Variants in XPO7 observed in about 807,000 individuals in gnomAD.
XPO7 encodes exportin-7.
A neutral mutation model predicts 144.3 loss-of-function variants in XPO7; 21 were observed. The ratio of observed to expected loss-of-function variants is 0.15; its 90% CI spans 0.10 to 0.21. The LOEUF (loss-of-function observed/expected upper bound fraction) is 0.21. Ranked by LOEUF, XPO7 falls within the 10% of genes least tolerant of loss-of-function variation. The pLI is 1.00. For synonymous variants in XPO7, 580 were observed against 499.6 expected (o/e 1.16, Z -2.15); for missense variants, 808 against 1,325.8 (o/e 0.61, Z 6.06).
intron 13 of XPO7, among the ~76,000 whole-genome samples, chr8:21,986,165 T>G (rs1479263674): frequency 6.8e-6 from 1 of 146,046 alleles, no homozygotes; most frequent in East Asian, 2.0e-4. Flanking sequence ...GGAGATGGAG[T>G]CTCGCTCTGT....
intron 1 of XPO7, among the ~76,000 whole-genome samples, chr8:21,934,843 A>G (rs1810771216): frequency 1.3e-5 from 2 of 152,238 alleles, no homozygotes; most frequent in Admixed American, 1.3e-4. Flanking sequence ...AGGAAAAAGC[A>G]TGGAGTGAAG....
intron 1 of XPO7, among the ~76,000 whole-genome samples, chr8:21,959,610 C>G (rs1489427941): frequency 1.3e-5 from 2 of 151,918 alleles, no homozygotes; most frequent in Non-Finnish European, 2.9e-5. Flanking sequence ...GTGAGTGTTA[C>G]CAATTTATTT....
intron 1 of XPO7, among the ~76,000 whole-genome samples, chr8:21,940,630 G>A (rs183747676): frequency 3.4e-4 from 51 of 151,872 alleles, no homozygotes; most frequent in African/African-American, 1.0e-3. Context: ...CACCACACCC[G>A]CCTAATTTTT....
At position 21,980,175 on chromosome 8, in the gene XPO7, G is replaced by A; in HGVS notation, c.929G>A (p.Gly310Asp). Reference protein sequence around the residue: ...RAKFLSHLVDGVKRILENPQS... With the variant: ...RAKFLSHLVDDVKRILENPQS... The stretch of plus-strand genomic sequence containing the variant: ...AAGTTTCTCTCTCATCTTGTTGATG[G>A]TGTTAAACGAATACTGGAAAACCCA... Residue 310 changes from glycine to aspartate, a missense_variant, in exon 9 of 28, where the codon GGT becomes GAT. Around this residue, in one of 5 missense-constraint regions of XPO7, gnomAD observed 223 missense variants for 368.8 expected, o/e 0.60. Transcript: ENST00000252512. The A allele has an allele frequency of 6.2e-7, 1 of 1,600,316 alleles. No individual in the cohort carries two copies. The highest frequency in any genetic ancestry group is 1.1e-5 in the South Asian group (1 of 88,550).
At chr8:21,964,233 C>G (rs1811813554) in intron 1 of XPO7, 1 of 151,944 alleles carries the variant, frequency 6.6e-6, no homozygotes, top group Non-Finnish European at 1.5e-5. Flanking sequence ...TTTCTCTGAC[C>G]AAAGTGGCAT....
intron 1 of XPO7, among the ~76,000 whole-genome samples, chr8:21,957,819 C>T (rs552714052): frequency 1.4e-4 from 22 of 152,278 alleles, no homozygotes; most frequent in African/African-American, 5.3e-4. Flanking sequence ...CCATGCCTGG[C>T]CTTGCTTTGC....
At chr8:21,954,387 G>A (rs924893757) in intron 1 of XPO7, among the ~76,000 whole-genome samples, 2 of 152,176 alleles carry the variant, frequency 1.3e-5, no homozygotes, top group Admixed American at 1.3e-4. Context: ...TGTAATCCCA[G>A]CACATTGGGA....
chr8:21,926,124 C>T (rs373640127), intron 1 of XPO7, among the ~76,000 whole-genome samples: 3 of 152,018 alleles, frequency 2.0e-5, no homozygotes, highest in Non-Finnish European at 4.4e-5. Context: ...GGGTTTTAAA[C>T]CTCTCTTAGA....
intron 1 of XPO7, among the ~76,000 whole-genome samples, chr8:21,935,420 C>G (rs907424541): frequency 1.3e-5 from 2 of 152,154 alleles, no homozygotes; most frequent in South Asian, 2.1e-4. Context: ...GACATTTTGC[C>G]TAAAGTCCTA....
chr8:21,987,760 G>A, intron 14 of XPO7, 24 bp from the exon 15 acceptor site: 8 of 1,613,142 alleles, frequency 5.0e-6, no homozygotes, highest in Non-Finnish European at 5.9e-6. Flanking sequence ...ATGTGTTCTG[G>A]TTACTTTCTC....
At chr8:21,925,397 T>A (rs1443177498) in intron 1 of XPO7, among the ~76,000 whole-genome samples, 1 of 152,206 alleles carries the variant, frequency 6.6e-6, no homozygotes, top group East Asian at 1.9e-4. Flanking sequence ...TTAATTGATA[T>A]CATTTAATGC....
At chr8:22,001,570 C>G (rs1271687576) in intron 24 of XPO7, among the ~76,000 whole-genome samples, 2 of 152,172 alleles carry the variant, frequency 1.3e-5, no homozygotes, top group Admixed American at 6.5e-5. Context: ...CATAAACATT[C>G]AGGGGCTACG....
chr8:21,999,626 G>A lies in XPO7; in HGVS notation c.2734G>A (p.Val912Ile), dbSNP rs1187250316. The stretch of plus-strand genomic sequence containing the variant: ...CTTTATTGCAAGCCTGGAACCTCAC[G>A]TCATCATGTATATTCTCTCTTCCAT... ...MNFIASLEPH[V>I]IMYILSSISE... The change falls in exon 24 of 28, where the codon GTC becomes ATC. Residue 912 changes from valine (V) to isoleucine (I), a missense_variant. Val to Ile is a conservative substitution (Grantham distance 29). Around this residue, in one of 5 missense-constraint regions of XPO7, gnomAD observed 140 missense variants for 237.9 expected, o/e 0.59. Coordinates refer to ENST00000252512, the MANE Select transcript of XPO7 (RefSeq NM_015024.5). 2.1e-5 allele frequency: 34 copies of A among 1,613,796 alleles called. No homozygotes were observed. Among genetic ancestry groups the A allele is most frequent in the Non-Finnish European group, 2.5e-5 (29 of 1,179,896 alleles).
chr8:21,960,254 C>G (rs1414532194), intron 1 of XPO7, among the ~76,000 whole-genome samples: 1 of 152,152 alleles, frequency 6.6e-6, no homozygotes, highest in African/African-American at 2.4e-5. Flanking sequence ...AACCACAGTG[C>G]AAGACAAAAA....
chr8:21,972,860 T>C (rs1339336978), intron 5 of XPO7, among the ~76,000 whole-genome samples: 5 of 152,230 alleles, frequency 3.3e-5, no homozygotes, highest in Admixed American at 3.3e-4. Flanking sequence ...TCAAATGTGT[T>C]AGCTTAGAGC....
At chr8:21,970,524 G>A (rs1812022002) in intron 4 of XPO7, among the ~76,000 whole-genome samples, 1 of 152,102 alleles carries the variant, frequency 6.6e-6, no homozygotes. Flanking sequence ...CCATGTCTCA[G>A]TCTTTCAAAT....
intron 25 of XPO7, 31 bp downstream of exon 25, chr8:22,002,303 TG>T (rs1563341011): frequency 1.2e-6 from 2 of 1,604,328 alleles, no homozygotes; most frequent in Non-Finnish European, 8.5e-7. Flanking sequence ...GAGGCAGTGA[TG>T]GGGTGTCCGA....
At chr8:21,961,402 G>T (rs1471100848) in intron 1 of XPO7, among the ~76,000 whole-genome samples, 1 of 151,904 alleles carries the variant, frequency 6.6e-6, no homozygotes, top group African/African-American at 2.4e-5. Flanking sequence ...TATTTGTAGA[G>T]GCGGAGTCTC....
rs1170364778 is a variant in XPO7 at position 21,989,821 on chromosome 8, C to CTTTTTTTTTTTTTTTTTTTTTTTT, written c.1869-500_1869-477dup. On this transcript the variant is annotated intron_variant, in intron 16 of 27. Transcript: ENST00000252512. ...AATAGGAGTTTGGTATAGGTGTTTC[C>CTTTTTTTTTTTTTTTTTTTTTTTT]TTTTTTTTTTTTTTTTTTTTTTTTT... Among the ~76,000 whole-genome samples, 80 of 59,714 alleles carry CTTTTTTTTTTTTTTTTTTTTTTTT rather than the reference C, an allele frequency of 1.3e-3. 30 individuals are homozygous for CTTTTTTTTTTTTTTTTTTTTTTTT. The highest frequency in any genetic ancestry group is 2.4e-3 in the Non-Finnish European group (67 of 27,890). 39.2% of individuals were successfully genotyped at this position (59,714 alleles called of 152,430 possible). A position where few individuals can be genotyped will look rare whatever the true frequency, so the allele number is the denominator to read the frequency against.
Sources: allele counts gnomAD v4.1 joint callset (sites outside exome capture counted in the v4.1 genomes callset), GRCh38; gene constraint gnomAD v4.1.1; regional missense constraint gnomAD v4.1.1; transcripts MANE v1.5; gene names NCBI Gene and HGNC (gene_info 2026-07-23, HGNC 2026-07-21).